The following CNTN3 variants were observed in gnomAD, a reference collection of about 807,000 sequenced individuals.
The protein encoded by CNTN3 is contactin 3.
A neutral mutation model predicts 119.1 loss-of-function variants in CNTN3; 60 were observed. The ratio of observed to expected loss-of-function variants is 0.50; its 90% CI spans 0.41 to 0.62. The LOEUF is 0.62. CNTN3 is among the 20% of genes least tolerant of loss of function. CNTN3 has a pLI of 0.00. For synonymous variants in CNTN3, 450 were observed against 438.7 expected, an observed-to-expected ratio of 1.03 and a Z score of -0.32; for missense variants, 1,101 against 1,242.4, an observed-to-expected ratio of 0.89 and a Z score of 1.71.
At chr3:74,378,121 G>T (rs764958570) in intron 5 of CNTN3, among the ~76,000 whole-genome samples, 1 of 152,158 alleles carries the variant, frequency 6.6e-6, no homozygotes, top group Non-Finnish European at 1.5e-5. Context: ...TGTCATTCAA[G>T]ATTTTTATCA....
At chr3:74,422,975 G>C (rs1701640516) in intron 5 of CNTN3, among the ~76,000 whole-genome samples, 1 of 151,868 alleles carries the variant, frequency 6.6e-6, no homozygotes, top group Non-Finnish European at 1.5e-5. Context: ...AGGAGCCATA[G>C]AGAAACAGGG....
At chr3:74,581,911 T>C (rs1466793551) in intron 1 of CNTN3, among the ~76,000 whole-genome samples, 2 of 152,182 alleles carry the variant, frequency 1.3e-5, no homozygotes, top group Non-Finnish European at 2.9e-5. Flanking sequence ...TTTAAAATTA[T>C]CCTCAATCTT....
At chr3:74,602,699 G>T (rs944149633) in intron 1 of CNTN3, among the ~76,000 whole-genome samples, 6 of 152,086 alleles carry the variant, frequency 3.9e-5, no homozygotes, top group African/African-American at 1.2e-4. Flanking sequence ...ATGAGATCAA[G>T]AGAGGTAGAA....
intron 11 of CNTN3, among the ~76,000 whole-genome samples, chr3:74,355,733 G>A (rs1224646879): frequency 6.6e-6 from 1 of 152,054 alleles, no homozygotes; most frequent in African/African-American, 2.4e-5. Context: ...GGGATTACAA[G>A]CATGAGCCAC....
At chr3:74,302,592 C>T (rs1364155204) in intron 14 of CNTN3, 98 bp downstream of exon 14, 6 of 711,652 alleles carry the variant, frequency 8.4e-6, no homozygotes, top group Non-Finnish European at 1.5e-5. Context: ...AATATTATAA[C>T]TCGTATGCTC....
Position 74,264,482 on chromosome 3 carries a change from G to A in CNTN3, c.3006C>T (p.Ser1002=). The A allele has an allele frequency of 6.2e-7, 1 of 1,610,922 alleles. No individual in the cohort carries two copies. Among genetic ancestry groups the A allele is most frequent in the East Asian group, 2.2e-5 (1 of 44,748 alleles). ...GGTGGACATTCGAGATGGCTGAAGT[G>A]GATCCTCTTGCATCCATACCTGTCA... ...PRITSMDARG[S]TSAISNVHPM... Residue 1002 remains serine, a synonymous_variant, in exon 23 of 23, where the codon TCC becomes TCT. Coordinates refer to ENST00000263665, the MANE Select transcript of CNTN3 (RefSeq NM_020872.3).
chr3:74,523,373 A>G (rs1279538233), intron 1 of CNTN3, among the ~76,000 whole-genome samples: 2 of 151,906 alleles, frequency 1.3e-5, no homozygotes, highest in African/African-American at 4.8e-5. Context: ...AACTAGTCAT[A>G]AAAGGCATGT....
At chr3:74,590,739 A>G (rs766392631) in intron 1 of CNTN3, among the ~76,000 whole-genome samples, 3 of 152,002 alleles carry the variant, frequency 2.0e-5, no homozygotes, top group Non-Finnish European at 4.4e-5. Flanking sequence ...CTTAACACAT[A>G]AAGATGCAAC....
At chr3:74,530,959 C>T (rs72883688) in intron 1 of CNTN3, among the ~76,000 whole-genome samples, 1 of 152,022 alleles carries the variant, frequency 6.6e-6, no homozygotes, top group African/African-American at 2.4e-5. Context: ...AGTGACATGA[C>T]GCTAAGCCAC....
At chr3:74,468,074 A>G (rs1401168382) in intron 4 of CNTN3, among the ~76,000 whole-genome samples, 1 of 152,184 alleles carries the variant, frequency 6.6e-6, no homozygotes, top group Non-Finnish European at 1.5e-5. Flanking sequence ...GGAAATATCT[A>G]AGTCTCTGGG....
At chr3:74,566,881 T>C (rs1222553940) in intron 1 of CNTN3, among the ~76,000 whole-genome samples, 2 of 152,166 alleles carry the variant, frequency 1.3e-5, no homozygotes, top group African/African-American at 4.8e-5. Flanking sequence ...ATGGCAATCC[T>C]ACATGAAAGA....
At chr3:74,607,430 G>C (rs575655854) in intron 1 of CNTN3, among the ~76,000 whole-genome samples, 3 of 152,182 alleles carry the variant, frequency 2.0e-5, no homozygotes, top group Non-Finnish European at 4.4e-5. Flanking sequence ...TTCTATGCAA[G>C]AAATAAAATG....
At chr3:74,417,718 G>A (rs566526293) in intron 5 of CNTN3, among the ~76,000 whole-genome samples, 25 of 152,126 alleles carry the variant, frequency 1.6e-4, no homozygotes, top group Non-Finnish European at 2.6e-4. Flanking sequence ...TTCCTTTAGA[G>A]ATCAAAATAT....
chr3:74,449,103 C>T, intron 4 of CNTN3, among the ~76,000 whole-genome samples: 1 of 151,920 alleles, frequency 6.6e-6, no homozygotes, highest in East Asian at 1.9e-4. Flanking sequence ...TGTAAGCCAA[C>T]TCAGGTCTTT....
At position 74,418,403 on chromosome 3, in the gene CNTN3, G is replaced by A. The variant is rs909796717; in HGVS notation, c.454+6442C>T. On this transcript the variant is annotated intron_variant, in intron 5 of 22. Transcript: ENST00000263665. ...GTTGCCCAGGCTGGAGTGCAATGGCGCGACCTTGGCTCACTGCAACCTCTG... is the reference window on the plus strand; with the variant it reads ...GTTGCCCAGGCTGGAGTGCAATGGCACGACCTTGGCTCACTGCAACCTCTG... Among the ~76,000 whole-genome samples, 5 of 140,418 alleles carry A rather than the reference G, an allele frequency of 3.6e-5. No individual in the cohort carries two copies. In the South Asian group the frequency reaches 6.7e-4, roughly 19 times the overall value. 92.1% of individuals were successfully genotyped at this position (140,418 alleles called of 152,430 possible).
chr3:74,439,172 G>GA (rs1230594689), intron 4 of CNTN3, among the ~76,000 whole-genome samples: 3 of 152,178 alleles, frequency 2.0e-5, no homozygotes, highest in African/African-American at 7.2e-5. Context: ...TAATTCAAGT[G>GA]AAATGAAGAT....
intron 13 of CNTN3, among the ~76,000 whole-genome samples, chr3:74,329,139 TCA>T (rs1342159319): frequency 1.3e-5 from 2 of 152,176 alleles, no homozygotes; most frequent in African/African-American, 4.8e-5. Context: ...ACTTGTATTA[TCA>T]CACAAAGGAT....
chr3:74,282,980 A>G (rs1702044279), intron 20 of CNTN3, among the ~76,000 whole-genome samples: 1 of 152,162 alleles, frequency 6.6e-6, no homozygotes, highest in Non-Finnish European at 1.5e-5. Context: ...GTTGAATAAT[A>G]GCAGAACATT....
intron 1 of CNTN3, among the ~76,000 whole-genome samples, chr3:74,540,442 T>C (rs1187567355): frequency 6.6e-6 from 1 of 152,120 alleles, no homozygotes; most frequent in Non-Finnish European, 1.5e-5. Flanking sequence ...TTTTTCTTTA[T>C]GTATATCCTG....
Sources: allele counts gnomAD v4.1 joint callset (sites outside exome capture counted in the v4.1 genomes callset), GRCh38; gene constraint gnomAD v4.1.1; transcripts MANE v1.5; gene names NCBI Gene and HGNC (gene_info 2026-07-23, HGNC 2026-07-21).